Variants in ACTR3C observed in about 807,000 individuals in gnomAD.
ACTR3C encodes actin related protein 3C.
ACTR3C carries 18 observed loss-of-function variants against 26.3 expected under a neutral mutation model. The observed-to-expected ratio is 0.68, with a 90% CI of 0.47 to 1.01. The LOEUF (loss-of-function observed/expected upper bound fraction) is 1.01. Among genes scored for constraint, ACTR3C ranks in the 50% least tolerant of loss-of-function variants. The pLI is 0.00. For synonymous variants in ACTR3C, 55 were observed against 94.5 expected (o/e 0.58, Z 2.42); for missense variants, 184 against 250.7 (o/e 0.73, Z 1.80).
chr7:149,883,079 G>A, the ACTR3C span, among the ~76,000 whole-genome samples: 10 of 152,216 alleles, frequency 6.6e-5, no homozygotes, highest in Non-Finnish European at 1.5e-4. Context: ...TGTTTTTAAC[G>A]TAAATGCTCT....
At chr7:149,982,241 T>C in the ACTR3C span, among the ~76,000 whole-genome samples, 1 of 152,186 alleles carries the variant, frequency 6.6e-6, no homozygotes, top group East Asian at 1.9e-4. Context: ...GAGTTGGATG[T>C]GCCTTAGCTC....
the ACTR3C span, among the ~76,000 whole-genome samples, chr7:150,036,178 A>G: frequency 4.3e-3 from 309 of 71,524 alleles, 13 homozygotes; most frequent in African/African-American, 8.3e-3. Flanking sequence ...CCGCGATGGG[A>G]GTCCCAAGAG....
At chr7:150,090,895 T>A in the ACTR3C span, among the ~76,000 whole-genome samples, 1 of 152,112 alleles carries the variant, frequency 6.6e-6, no homozygotes, top group Non-Finnish European at 1.5e-5. Context: ...GACTCTGGGG[T>A]GAGAAAGTGG....
the ACTR3C span, among the ~76,000 whole-genome samples, chr7:149,885,587 G>A: frequency 6.6e-6 from 1 of 152,222 alleles, no homozygotes; most frequent in Non-Finnish European, 1.5e-5. Context: ...CTCCGCCTTG[G>A]CTCCCTAACC....
the ACTR3C span, among the ~76,000 whole-genome samples, chr7:150,183,289 T>G: frequency 7.3e-6 from 1 of 137,238 alleles, no homozygotes; most frequent in Non-Finnish European, 1.5e-5. Flanking sequence ...ATTCTTTCCC[T>G]TTGTAAATAT....
At chr7:150,029,434 A>T in the ACTR3C span, among the ~76,000 whole-genome samples, 356 of 141,034 alleles carry the variant, frequency 2.5e-3, no homozygotes, top group African/African-American at 0.01. Flanking sequence ...AAAAAAAACC[A>T]TGAGTGGGTG....
At chr7:150,295,131 G>T in intron 2 of ACTR3C, 121 bp downstream of exon 2, 1 of 1,184,410 alleles carries the variant, frequency 8.4e-7, no homozygotes, top group South Asian at 1.5e-5. Flanking sequence ...GGACGGGGGA[G>T]GGAGTGGAAA....
the ACTR3C span, among the ~76,000 whole-genome samples, chr7:150,164,122 G>A: frequency 5.9e-5 from 9 of 152,208 alleles, no homozygotes; most frequent in East Asian, 1.7e-3. Flanking sequence ...AGAGATGCGG[G>A]CACGCTGGTT....
At chr7:149,901,540 TAC>T in the ACTR3C span, among the ~76,000 whole-genome samples, 12 of 151,628 alleles carry the variant, frequency 7.9e-5, no homozygotes, top group African/African-American at 2.2e-4. Flanking sequence ...ATATTTTAAA[TAC>T]AGAGTTTATA....
At chr7:150,069,511 G>A in the ACTR3C span, among the ~76,000 whole-genome samples, 1 of 152,202 alleles carries the variant, frequency 6.6e-6, no homozygotes, top group African/African-American at 2.4e-5. Flanking sequence ...TGTGTTAGTG[G>A]TGGCTTTCAG....
At chr7:150,267,568 G>A (rs1434324255) in intron 6 of ACTR3C, among the ~76,000 whole-genome samples, 1 of 152,196 alleles carries the variant, frequency 6.6e-6, no homozygotes, top group African/African-American at 2.4e-5. Context: ...CACAGCACGA[G>A]AGTGGTGATG....
the ACTR3C span, among the ~76,000 whole-genome samples, chr7:150,055,763 T>C: frequency 1.3e-5 from 2 of 152,166 alleles, no homozygotes; most frequent in Non-Finnish European, 2.9e-5. Context: ...CCAGAACATA[T>C]GCAGTTTGGC....
At chr7:150,038,826 G>A in the ACTR3C span, among the ~76,000 whole-genome samples, 1 of 142,148 alleles carries the variant, frequency 7.0e-6, no homozygotes, top group South Asian at 2.2e-4. Flanking sequence ...TCTGCGATGG[G>A]GGTCCTAAGA....
chr7:150,254,812 C>T (rs918991552), intron 6 of ACTR3C, among the ~76,000 whole-genome samples: 34 of 152,186 alleles, frequency 2.2e-4, no homozygotes, highest in African/African-American at 6.0e-4. Context: ...GACTGGCTTT[C>T]GGTGCAGCAA....
At chr7:150,256,287 C>T (rs1471146398) in intron 6 of ACTR3C, among the ~76,000 whole-genome samples, 1 of 152,176 alleles carries the variant, frequency 6.6e-6, no homozygotes, top group Non-Finnish European at 1.5e-5. Flanking sequence ...GGGTATACAC[C>T]CAGTAATGGG....
chr7:149,996,230 A>G, the ACTR3C span, among the ~76,000 whole-genome samples: 3 of 151,976 alleles, frequency 2.0e-5, no homozygotes, highest in Admixed American at 1.3e-4. Flanking sequence ...GGACGGAGTA[A>G]AGGAGGGGAG....
the ACTR3C span, among the ~76,000 whole-genome samples, chr7:150,176,393 G>A: frequency 2.0e-5 from 3 of 150,514 alleles, no homozygotes; most frequent in East Asian, 1.9e-4. Context: ...ATACTCTTCC[G>A]CCATTTCCTT....
At chr7:150,143,254 T>C in the ACTR3C span, among the ~76,000 whole-genome samples, 2 of 152,036 alleles carry the variant, frequency 1.3e-5, no homozygotes, top group Non-Finnish European at 2.9e-5. Context: ...TTGTTTAGCA[T>C]CTCCTTGCAT....
chr7:149,896,178 C>T, the ACTR3C span, among the ~76,000 whole-genome samples: 3 of 152,258 alleles, frequency 2.0e-5, no homozygotes, highest in Non-Finnish European at 4.4e-5. Flanking sequence ...GAACAAGACC[C>T]AGTCACAGAC....
Sources: gnomAD v4.1 joint callset for allele counts (sites outside exome capture counted in the v4.1 genomes callset) on GRCh38, gnomAD v4.1.1 for gene constraint, MANE v1.5 for transcripts, NCBI Gene and HGNC (gene_info 2026-07-23, HGNC 2026-07-21) for gene names.